Variants in CFAP44 observed in about 807,000 individuals in gnomAD.
CFAP44 encodes the protein cilia- and flagella-associated protein 44.
Under a neutral mutation model 216.2 loss-of-function variants are expected in CFAP44, and 134 were observed. The ratio of observed to expected loss-of-function variants is 0.62; its 90% CI spans 0.54 to 0.72. The LOEUF is 0.72. Ranked by LOEUF, CFAP44 falls within the 30% of genes least tolerant of loss-of-function variation. The pLI, the probability that CFAP44 is intolerant of heterozygous loss-of-function variation, is 0.00. For synonymous variants in CFAP44, 700 were observed against 727.6 expected, an observed-to-expected ratio of 0.96 and a Z score of 0.61; for missense variants, 2,035 against 2,182.1, an observed-to-expected ratio of 0.93 and a Z score of 1.34.
In CFAP44 at chr3:113,308,263, C is replaced by T; in HGVS notation, c.4522G>A (p.Asp1508Asn). ...KKEVEGDADE[D>N]EESEESSEEE... ...TCACTTGATTCCTCACTCTCCTCATCTTCATCTATGGAAAGAGGAGGGCAT... is the reference window on the plus strand; with the variant it reads ...TCACTTGATTCCTCACTCTCCTCATTTTCATCTATGGAAAGAGGAGGGCAT... Residue 1508 changes from aspartate to asparagine, a missense_variant, in exon 29 of 35, where the codon GAT becomes AAT. By Grantham distance (23) the Asp-to-Asn change is conservative. Around this residue, in one of 3 missense-constraint regions of CFAP44, gnomAD observed 1,883 missense variants for 2,023.7 expected, o/e 0.93. Transcript: ENST00000393845. 3.9e-6 allele frequency: 6 copies of T among 1,531,866 alleles called. 1 individual carries two copies. The South Asian group carries it at 7.3e-5, about 19-fold the overall frequency. 94.9% of individuals were successfully genotyped at this position (1,531,866 alleles called of 1,614,324 possible). A position where few individuals can be genotyped will look rare whatever the true frequency, so the allele number is the denominator to read the frequency against.
chr3:113,375,372 G>GA (rs1281289448), intron 17 of CFAP44, among the ~76,000 whole-genome samples: 5 of 152,070 alleles, frequency 3.3e-5, no homozygotes, highest in South Asian at 2.1e-4. Context: ...AAAGCAATTG[G>GA]AAAAACAAAC....
chr3:113,363,578 AT>A, intron 19 of CFAP44, 46 bp from the exon 20 acceptor site: 2 of 1,490,006 alleles, frequency 1.3e-6, no homozygotes, highest in Admixed American at 4.3e-5. Context: ...ATTGCATAGC[AT>A]TTTCCTTAAA....
At chr3:113,423,384 G>C (rs1934873272) in intron 4 of CFAP44, among the ~76,000 whole-genome samples, 1 of 152,026 alleles carries the variant, frequency 6.6e-6, no homozygotes, top group African/African-American at 2.4e-5. Flanking sequence ...CAAGTGATCT[G>C]CCTGCCAAGC....
intron 28 of CFAP44, among the ~76,000 whole-genome samples, chr3:113,325,880 G>C (rs917887340): frequency 1.3e-4 from 20 of 152,160 alleles, no homozygotes; most frequent in African/African-American, 4.6e-4. Flanking sequence ...CAATGTAACA[G>C]AACCTAGAAA....
At chr3:113,382,471 C>T (rs561470081) in intron 15 of CFAP44, among the ~76,000 whole-genome samples, 100 of 152,072 alleles carry the variant, frequency 6.6e-4, no homozygotes, top group Non-Finnish European at 1.1e-3. Flanking sequence ...ATAGTCAATC[C>T]TTCTGAGAAA....
chr3:113,438,238 T>C (rs903194242), intron 1 of CFAP44, among the ~76,000 whole-genome samples: 2 of 152,198 alleles, frequency 1.3e-5, no homozygotes, highest in Non-Finnish European at 2.9e-5. Flanking sequence ...AATCATGGAA[T>C]CTTCAGAGCT....
intron 15 of CFAP44, among the ~76,000 whole-genome samples, chr3:113,391,133 A>G (rs781489565): frequency 3.9e-5 from 6 of 152,310 alleles, no homozygotes; most frequent in Non-Finnish European, 5.9e-5. Context: ...TGGTACTGAC[A>G]TAAAAACAGA....
rs184312294 is a variant in CFAP44, at chr3:113,387,543, C to A, written c.1891-6483G>T. ...GGCCCCGAATAATCAACAGTGATGGCCAGGTAGTACACACTGTGGGCCTTG... is the reference window on the plus strand; with the variant it reads ...GGCCCCGAATAATCAACAGTGATGGACAGGTAGTACACACTGTGGGCCTTG... On this transcript the variant is annotated intron_variant, in intron 15 of 34. Coordinates refer to ENST00000393845, the MANE Select transcript of CFAP44 (RefSeq NM_001164496.2). Among the ~76,000 whole-genome samples the A allele has an allele frequency of 1.1e-4, 16 of 152,134 alleles. No homozygotes were observed. In the East Asian group the frequency reaches 3.1e-3, roughly 30 times the overall value.
chr3:113,401,778 G>A, intron 9 of CFAP44, 39 bp from the exon 10 acceptor site: 1 of 1,529,346 alleles, frequency 6.5e-7, no homozygotes, highest in Non-Finnish European at 8.8e-7. Flanking sequence ...TCGATCAGTA[G>A]TTTCTGAACA....
chr3:113,344,614 G>C lies in CFAP44; in HGVS notation c.3164C>G (p.Ser1055Cys). 1 of 1,536,958 alleles carries C rather than the reference G, an allele frequency of 6.5e-7. No individual in the cohort carries two copies. Among genetic ancestry groups the C allele is most frequent in the Admixed American group, 2.0e-5 (1 of 50,960 alleles). The stretch of plus-strand genomic sequence containing the variant: ...TGATTGACTAGCTCGTTTGAATTTG[G>C]AGTACTTAGAGGGCTGCACCAGCCT... ...SYRLVQPSKYSKFKRASQSER... is the reference protein window; with the variant it reads ...SYRLVQPSKYCKFKRASQSER... The change falls in exon 23 of 35, where the codon TCC becomes TGC. Residue 1055 changes from serine to cysteine, a missense_variant. Coordinates refer to ENST00000393845, the MANE Select transcript of CFAP44 (RefSeq NM_001164496.2).
At chr3:113,421,636 C>T (rs116703810) in intron 4 of CFAP44, among the ~76,000 whole-genome samples, 4,363 of 152,294 alleles carry the variant, frequency 0.029, 110 homozygotes, top group East Asian at 0.1. Flanking sequence ...CATATATACA[C>T]CATGAAATAC....
At chr3:113,408,329 C>T (rs768145734) in intron 7 of CFAP44, among the ~76,000 whole-genome samples, 14 of 152,136 alleles carry the variant, frequency 9.2e-5, no homozygotes, top group Non-Finnish European at 1.5e-4. Context: ...GAGTTTGGAG[C>T]AAGACCTAAG....
intron 32 of CFAP44, among the ~76,000 whole-genome samples, chr3:113,302,209 T>C (rs963632889): frequency 3.3e-5 from 5 of 152,010 alleles, no homozygotes; most frequent in South Asian, 4.2e-4. Context: ...GTCTTGGCAA[T>C]TGTGAATAAT....
Position 113,333,382 on chromosome 3 carries a change from G to A in CFAP44, c.3615+24C>T, listed in dbSNP as rs764019491. 35 of 1,530,432 alleles carry A rather than the reference G, an allele frequency of 2.3e-5. No homozygotes were observed. In the South Asian group the frequency reaches 3.0e-4, roughly 13 times the overall value. 94.8% of individuals were successfully genotyped at this position (1,530,432 alleles called of 1,614,324 possible). On this transcript the variant is annotated intron_variant, in intron 25 of 34. Coordinates refer to ENST00000393845, the MANE Select transcript of CFAP44 (RefSeq NM_001164496.2). Reference sequence around the variant, plus strand: ...AAGAACCCAGGGTGCCTTCTCCATTGTCATAAAATCTGTAGATAAGTACCA... The same window carrying A: ...AAGAACCCAGGGTGCCTTCTCCATTATCATAAAATCTGTAGATAAGTACCA...
Position 113,304,101 on chromosome 3 carries a change from A to C in CFAP44, c.4892T>G (p.Phe1631Cys). ...AGAAAGATCGCTAGGTATTTCTCCA[A>C]ATACCACATACTCTATCTACAAGCA... ...LKLHQIEYVV[F>C]GEIPSDLSGT... is the part of the protein sequence containing the mutation. The change falls in exon 32 of 35, where the codon TTT (phenylalanine) becomes TGT (cysteine). Residue 1631 changes from phenylalanine (F) to cysteine (C), a missense_variant. Physicochemically the swap from Phe to Cys is radical, Grantham distance 205. Transcript: ENST00000393845. The C allele has an allele frequency of 1.3e-6, 2 of 1,537,206 alleles. No homozygotes were observed. Among genetic ancestry groups the C allele is most frequent in the Non-Finnish European group, 1.7e-6 (2 of 1,146,870 alleles).
chr3:113,360,443 G>T, intron 21 of CFAP44: 2 of 233,764 alleles, frequency 8.6e-6, no homozygotes, highest in South Asian at 1.5e-4. Context: ...TTCACTGCAT[G>T]AATAGTGAAG....
At chr3:113,376,440 T>C (rs776960709) in intron 17 of CFAP44, among the ~76,000 whole-genome samples, 10 of 152,172 alleles carry the variant, frequency 6.6e-5, no homozygotes, top group Non-Finnish European at 1.5e-4. Context: ...GTAGTTACCT[T>C]AGCAAGAAAG....
At chr3:113,420,441 G>A (rs929810200) in intron 4 of CFAP44, among the ~76,000 whole-genome samples, 7 of 152,046 alleles carry the variant, frequency 4.6e-5, no homozygotes, top group South Asian at 4.1e-4. Flanking sequence ...ACTCTGATTT[G>A]GTTACTATTT....
chr3:113,407,174 T>A, intron 7 of CFAP44, 133 bp from the exon 8 acceptor site: 1 of 737,794 alleles, frequency 1.4e-6, no homozygotes, highest in Admixed American at 2.5e-5. Flanking sequence ...CTGATTAAGA[T>A]TTATTAAGTA....
Sources: allele counts gnomAD v4.1 joint callset (sites outside exome capture counted in the v4.1 genomes callset), GRCh38; gene constraint gnomAD v4.1.1; regional missense constraint gnomAD v4.1.1; transcripts MANE v1.5; gene names NCBI Gene and HGNC (gene_info 2026-07-23, HGNC 2026-07-21).